The following SPOCK3 variants were observed in gnomAD, a reference collection of about 807,000 sequenced individuals.
SPOCK3 encodes the protein SPARC (osteonectin), cwcv and kazal like domains proteoglycan 3, also known as testican-3.
SPOCK3 carries 30 observed loss-of-function variants against 56.6 expected under a neutral mutation model. The ratio of observed to expected loss-of-function variants is 0.53; its 90% CI spans 0.40 to 0.72. SPOCK3 has a LOEUF of 0.72. Among genes scored for constraint, SPOCK3 ranks in the 30% least tolerant of loss-of-function variants. The pLI, the probability that SPOCK3 is intolerant of heterozygous loss-of-function variation, is 0.00. For synonymous variants in SPOCK3, 196 were observed against 183.3 expected (o/e 1.07, Z -0.56); for missense variants, 527 against 530.0 (o/e 0.99, Z 0.06).
At chr4:167,029,370 A>G (rs1752040653) in intron 3 of SPOCK3, among the ~76,000 whole-genome samples, 1 of 152,002 alleles carries the variant, frequency 6.6e-6, no homozygotes. Context: ...AATTTCTGAT[A>G]ATCTTACTAA....
intron 6 of SPOCK3, among the ~76,000 whole-genome samples, chr4:166,819,432 C>T (rs1744696497): frequency 6.6e-6 from 1 of 151,976 alleles, no homozygotes; most frequent in Admixed American, 6.6e-5. Flanking sequence ...GAAAGTAAAA[C>T]AGTCCTCATT....
intron 5 of SPOCK3, among the ~76,000 whole-genome samples, chr4:166,900,041 T>C (rs1001859630): frequency 3.9e-5 from 6 of 152,304 alleles, no homozygotes; most frequent in African/African-American, 1.4e-4. Context: ...ACTCAGCAAG[T>C]TGTGTCACAT....
intron 6 of SPOCK3, among the ~76,000 whole-genome samples, chr4:166,843,012 C>G (rs1747624634): frequency 6.6e-6 from 1 of 152,200 alleles, no homozygotes; most frequent in Non-Finnish European, 1.5e-5. Context: ...GAGCGTGTCC[C>G]CAGTGGGCCG....
At chr4:166,974,314 T>A (rs536001489) in intron 4 of SPOCK3, among the ~76,000 whole-genome samples, 1 of 152,268 alleles carries the variant, frequency 6.6e-6, no homozygotes, top group South Asian at 2.1e-4. Flanking sequence ...ATCATAGAGT[T>A]TGGAATTGGG....
At chr4:166,977,548 T>G (rs1033458243) in intron 4 of SPOCK3, among the ~76,000 whole-genome samples, 15 of 151,872 alleles carry the variant, frequency 9.9e-5, no homozygotes, top group African/African-American at 3.6e-4. Context: ...TTGCAGAAAT[T>G]CCAGAAATGT....
At chr4:167,143,942 G>A (rs1219483332) in intron 2 of SPOCK3, among the ~76,000 whole-genome samples, 1 of 151,882 alleles carries the variant, frequency 6.6e-6, no homozygotes, top group East Asian at 1.9e-4. Context: ...GAGAGCAGAG[G>A]GTTTAAAAGT....
At chr4:167,163,844 A>T (rs35831079) in intron 2 of SPOCK3, among the ~76,000 whole-genome samples, 4,662 of 152,234 alleles carry the variant, frequency 0.031, 111 homozygotes, top group Middle Eastern at 0.075. Context: ...TCCAGAAAAA[A>T]ATCCTGACCT....
rs144789951 is a variant in SPOCK3 at position 166,774,204 on chromosome 4, C to T, written c.709+17966G>A. ...CTTCTCTATTTTTACTTCTAACTCT[C>T]CTCCTCCATCTTTTTTATGACCACC... is the stretch of plus-strand genomic sequence containing the variant. On this transcript the variant is annotated intron_variant, in intron 7 of 10. Coordinates refer to ENST00000357545, the MANE Select transcript of SPOCK3 (RefSeq NM_001040159.2). Among the ~76,000 whole-genome samples the T allele has an allele frequency of 4.4e-3, 673 of 152,234 alleles. 3 individuals carry two copies. Among genetic ancestry groups the T allele is most frequent in the African/African-American group, 0.015 (637 of 41,538 alleles).
chr4:167,226,653 A>T (rs1309774114), intron 2 of SPOCK3, among the ~76,000 whole-genome samples: 1 of 152,108 alleles, frequency 6.6e-6, no homozygotes, highest in African/African-American at 2.4e-5. Context: ...GTTGACATGT[A>T]ACCAAGTTCA....
intron 2 of SPOCK3, among the ~76,000 whole-genome samples, chr4:167,093,462 G>A (rs1358579982): frequency 1.3e-5 from 2 of 151,904 alleles, no homozygotes; most frequent in Non-Finnish European, 2.9e-5. Flanking sequence ...CCCCTGACAG[G>A]CCCCGGTGCA....
At chr4:167,211,191 C>G (rs113726235) in intron 2 of SPOCK3, among the ~76,000 whole-genome samples, 3,857 of 152,206 alleles carry the variant, frequency 0.025, 177 homozygotes, top group African/African-American at 0.087. Flanking sequence ...CCTGTAGCCC[C>G]TTTGTTTTGG....
intron 4 of SPOCK3, among the ~76,000 whole-genome samples, chr4:166,951,852 T>C (rs929125184): frequency 8.5e-5 from 13 of 152,092 alleles, no homozygotes; most frequent in African/African-American, 2.4e-4. Context: ...TCTCAATAGA[T>C]GCAGAAAAGG....
At chr4:166,961,772 A>G (rs1006882529) in intron 4 of SPOCK3, among the ~76,000 whole-genome samples, 2 of 152,272 alleles carry the variant, frequency 1.3e-5, no homozygotes, top group East Asian at 1.9e-4. Flanking sequence ...CGTCAAAAAT[A>G]TTATTTTAAT....
intron 2 of SPOCK3, among the ~76,000 whole-genome samples, chr4:167,126,156 CTT>C (rs1297169064): frequency 6.6e-6 from 1 of 152,206 alleles, no homozygotes; most frequent in Non-Finnish European, 1.5e-5. Context: ...TGCCCAAACT[CTT>C]AACTCCTAAC....
chr4:167,197,909 C>T lies in SPOCK3; in HGVS notation c.189+36076G>A, dbSNP rs552839823. 5.3e-5 allele frequency among the ~76,000 whole-genome samples: 8 copies of T among 152,248 alleles called. No homozygotes were observed. The South Asian group carries it at 1.7e-3, about 32-fold the overall frequency. On this transcript the variant is annotated intron_variant, in intron 2 of 10. Coordinates refer to ENST00000357545, the MANE Select transcript of SPOCK3 (RefSeq NM_001040159.2). ...CCTGCAGAAGACACCTCATTCTCTC[C>T]GATTCCAAAAGGGCCAACCAATGTG...
At chr4:167,045,392 A>T (rs1753621545) in intron 3 of SPOCK3, among the ~76,000 whole-genome samples, 1 of 152,064 alleles carries the variant, frequency 6.6e-6, no homozygotes, top group African/African-American at 2.4e-5. Flanking sequence ...ATTTGAAGTA[A>T]TTATTGATAT....
At chr4:167,143,058 G>T (rs1490264823) in intron 2 of SPOCK3, among the ~76,000 whole-genome samples, 2 of 151,966 alleles carry the variant, frequency 1.3e-5, no homozygotes, top group Non-Finnish European at 2.9e-5. Context: ...GATCATGGTT[G>T]CATCAAAGGA....
intron 6 of SPOCK3, among the ~76,000 whole-genome samples, chr4:166,830,268 A>G (rs535291486): frequency 2.8e-4 from 42 of 152,334 alleles, no homozygotes; most frequent in Middle Eastern, 6.8e-3. Flanking sequence ...TTGCTTTCAA[A>G]TCAGATCATT....
At chr4:167,002,994 G>A (rs570915122) in intron 3 of SPOCK3, among the ~76,000 whole-genome samples, 1 of 152,096 alleles carries the variant, frequency 6.6e-6, no homozygotes, top group East Asian at 1.9e-4. Context: ...TGAAAAAGGA[G>A]TGTTTTCATT....
Sources: allele counts gnomAD v4.1 joint callset (sites outside exome capture counted in the v4.1 genomes callset), GRCh38; gene constraint gnomAD v4.1.1; transcripts MANE v1.5; gene names NCBI Gene and HGNC (gene_info 2026-07-23, HGNC 2026-07-21).